Variants in PPP2R2A observed in about 807,000 individuals in gnomAD.
The protein encoded by PPP2R2A is protein phosphatase 2 regulatory subunit Balpha.
A neutral mutation model predicts 53.2 loss-of-function variants in PPP2R2A; 9 were observed. That is an observed-to-expected ratio of 0.17 (90% confidence interval 0.10 to 0.30). The LOEUF (loss-of-function observed/expected upper bound fraction) is 0.30. PPP2R2A is among the 10% of genes least tolerant of loss of function. PPP2R2A has a pLI of 1.00. For missense variants in PPP2R2A, 235 were observed against 534.6 expected (o/e 0.44, Z 5.53); for synonymous variants, 169 against 174.2 (o/e 0.97, Z 0.23).
In PPP2R2A at chr8:26,372,197, ATGTC is replaced by A. The variant is rs751470322; in HGVS notation, c.*1787_*1790del. The A allele has an allele frequency of 1.4e-4, 22 of 152,298 alleles. No homozygotes were observed. The highest frequency in any genetic ancestry group is 2.2e-4 in the Non-Finnish European group (15 of 68,008). 9.4% of individuals were successfully genotyped at this position (152,298 alleles called of 1,614,324 possible). A position where few individuals can be genotyped will look rare whatever the true frequency, so the allele number is the denominator to read the frequency against. ...CAAATTTGTATTTGAAACACATTCT[ATGTC>A]TGATAATTCTTAATGGCACTTTTAC... On this transcript the variant is annotated 3_prime_UTR_variant, in exon 10 of 10. Transcript: ENST00000380737.
intron 2 of PPP2R2A, among the ~76,000 whole-genome samples, chr8:26,301,564 C>T (rs1325783074): frequency 1.3e-5 from 2 of 151,794 alleles, no homozygotes; most frequent in African/African-American, 2.4e-5. Flanking sequence ...CTGCTGATGG[C>T]GTTCGTTAGC....
chr8:26,302,300 G>A (rs533972280), intron 2 of PPP2R2A, among the ~76,000 whole-genome samples: 16 of 152,216 alleles, frequency 1.1e-4, no homozygotes, highest in Admixed American at 1.3e-4. Context: ...TGGAAAACAC[G>A]TCTCTGCCAT....
intron 1 of PPP2R2A, chr8:26,292,567 A>G: frequency 1.8e-6 from 1 of 551,948 alleles, no homozygotes; most frequent in Non-Finnish European, 2.3e-6. Flanking sequence ...AGAGATATAA[A>G]TAGCAAGGAG....
chr8:26,292,033 G>A, intron 1 of PPP2R2A: 1 of 1,247,264 alleles, frequency 8.0e-7, no homozygotes, highest in Non-Finnish European at 1.0e-6. Context: ...CTTGGAGAAC[G>A]GGGCTGGCGC....
rs1802828064 is a variant in PPP2R2A at position 26,321,307 on chromosome 8, CCAGAGAAATGTG to C, written c.83-17582_83-17571del. 1.1e-5 allele frequency among the ~76,000 whole-genome samples: 1 copy of C among 91,764 alleles called. No homozygotes were observed. Among genetic ancestry groups the C allele is most frequent in the Non-Finnish European group, 3.1e-5 (1 of 32,034 alleles). 60.2% of individuals were successfully genotyped at this position (91,764 alleles called of 152,430 possible). A position where few individuals can be genotyped will look rare whatever the true frequency, so the allele number is the denominator to read the frequency against. ...ATGGCTCTTACCAAGAGAAATGTGA[CCAGAGAAATGTG>C]ACCTGAGAGAGAAGCACAAAGTTGA... On this transcript the variant is annotated intron_variant, in intron 2 of 9. Coordinates refer to ENST00000380737, the MANE Select transcript of PPP2R2A (RefSeq NM_002717.4). The surrounding 1 kb of genome is among the most constrained non-coding windows in gnomAD (Gnocchi z 4.1).
chr8:26,312,276 A>G (rs1402277282), intron 2 of PPP2R2A, among the ~76,000 whole-genome samples: 1 of 152,238 alleles, frequency 6.6e-6, no homozygotes, highest in Non-Finnish European at 1.5e-5. Flanking sequence ...GATAATCAAC[A>G]CTTCTCTAGC....
intron 2 of PPP2R2A, among the ~76,000 whole-genome samples, chr8:26,303,563 T>C (rs1318383246): frequency 6.6e-6 from 1 of 152,200 alleles, no homozygotes; most frequent in East Asian, 1.9e-4. Flanking sequence ...GAGGGAACAA[T>C]GTTTTTCTGA....
chr8:26,343,228 A>G (rs1804039982), intron 3 of PPP2R2A, among the ~76,000 whole-genome samples: 1 of 152,140 alleles, frequency 6.6e-6, no homozygotes, highest in Non-Finnish European at 1.5e-5. Context: ...CTGCTCCTCA[A>G]GATTACTAAA....
chr8:26,292,260 A>G lies in PPP2R2A; in HGVS notation c.7+434A>G, dbSNP rs1049921421. Reference sequence around the variant, plus strand: ...TGCAAGCCTTCTTGGGTGTATATACACATTTATTTTGCCTCGAGAAGGAAG... The same window carrying G: ...TGCAAGCCTTCTTGGGTGTATATACGCATTTATTTTGCCTCGAGAAGGAAG... On this transcript the variant is annotated intron_variant, in intron 1 of 9. Transcript: ENST00000380737. The G allele has an allele frequency of 1.3e-5, 13 of 1,004,640 alleles. No individual in the cohort carries two copies. The African/African-American group carries it at 1.7e-4, about 13-fold the overall frequency. The allele number at this position is 1,004,640 out of a possible 1,614,324, so 62.2% of individuals were successfully genotyped here.
intron 2 of PPP2R2A, among the ~76,000 whole-genome samples, chr8:26,320,795 T>C (rs1802802998): frequency 6.6e-6 from 1 of 152,202 alleles, no homozygotes; most frequent in South Asian, 2.1e-4. Context: ...GTAGAAAATA[T>C]CCTGGGGATT....
chr8:26,342,886 A>G (rs1585382893), intron 3 of PPP2R2A, among the ~76,000 whole-genome samples: 2 of 152,192 alleles, frequency 1.3e-5, no homozygotes, highest in South Asian at 2.1e-4. Flanking sequence ...AAATGTTTGC[A>G]TGTATTTAAA....
In PPP2R2A at chr8:26,358,862, A is replaced by C. The variant is rs1407840482; in HGVS notation, c.347-1307A>C. On this transcript the variant is annotated intron_variant, in intron 4 of 9. Transcript: ENST00000380737. ...GGAGAATTCTAAATAAGACGTGGAT[A>C]CATACTCTTCCCTACAGGGAGTATA... is the stretch of plus-strand genomic sequence containing the variant. The C allele has an allele frequency of 3.3e-5, 15 of 453,630 alleles. No individual in the cohort carries two copies. The East Asian group carries it at 1.0e-3, about 32-fold the overall frequency. 28.1% of individuals were successfully genotyped at this position (453,630 alleles called of 1,614,324 possible).
At chr8:26,357,460 A>T (rs1488842110) in intron 4 of PPP2R2A, among the ~76,000 whole-genome samples, 1 of 152,026 alleles carries the variant, frequency 6.6e-6, no homozygotes, top group African/African-American at 2.4e-5. Flanking sequence ...TACTTAAAGG[A>T]CGTCATAGTC....
At position 26,339,713 on chromosome 8, in the gene PPP2R2A, A is replaced by C. The variant is rs940373124; in HGVS notation, c.180+726A>C. On this transcript the variant is annotated intron_variant, in intron 3 of 9. Coordinates refer to ENST00000380737, the MANE Select transcript of PPP2R2A (RefSeq NM_002717.4). ...TTGTAGATCAGAGTTTAACCATTAA[A>C]ATCAGTTGTTTTGGAACATTCTGCC... Among the ~76,000 whole-genome samples the C allele has an allele frequency of 3.9e-5, 6 of 152,236 alleles. No individual in the cohort carries two copies. In the East Asian group the frequency reaches 1.2e-3, roughly 29 times the overall value.
Position 26,298,024 on chromosome 8 carries a change from A to T in PPP2R2A, c.82+4284A>T, listed in dbSNP as rs1176148050. The stretch of plus-strand genomic sequence containing the variant: ...GAAAAGCTATGAAGTAAAAGGAAAA[A>T]AACATACTGTAAAAAGTACTATAAA... On this transcript the variant is annotated intron_variant, in intron 2 of 9. Coordinates refer to ENST00000380737, the MANE Select transcript of PPP2R2A (RefSeq NM_002717.4). 2.0e-5 allele frequency among the ~76,000 whole-genome samples: 3 copies of T among 152,230 alleles called. No homozygotes were observed. In the East Asian group the frequency reaches 5.8e-4, roughly 29 times the overall value.
chr8:26,366,278 C>T, intron 8 of PPP2R2A, 37 bp from the exon 9 acceptor site: 1 of 1,516,152 alleles, frequency 6.6e-7, no homozygotes, highest in Non-Finnish European at 9.1e-7. Context: ...AATCATTTTC[C>T]TAATTTCAGT....
chr8:26,314,415 C>A (rs569203559), intron 2 of PPP2R2A, among the ~76,000 whole-genome samples: 1 of 152,280 alleles, frequency 6.6e-6, no homozygotes, highest in East Asian at 1.9e-4. Context: ...CGTGGGAATT[C>A]TTTTGCCTCT....
rs1320272691 is a variant in PPP2R2A, at chr8:26,301,277, T to A, written c.82+7537T>A. On this transcript the variant is annotated intron_variant, in intron 2 of 9. Coordinates refer to ENST00000380737, the MANE Select transcript of PPP2R2A (RefSeq NM_002717.4). ...TTATTTTGAAGTAATTAAATATAAT[T>A]TGGAGATTTGTTGAATTTTCAGCTA... is the stretch of plus-strand genomic sequence containing the variant. 2.6e-5 allele frequency among the ~76,000 whole-genome samples: 4 copies of A among 152,160 alleles called. No homozygotes were observed. The East Asian group carries it at 7.7e-4, about 29-fold the overall frequency.
In PPP2R2A at chr8:26,317,755, A is replaced by G. The variant is rs74445544; in HGVS notation, c.83-21135A>G. ...AAAGACCCACATACACAGTGGTTCAAAAAATTAGCTTGTTTCTCTCTCACG... is the reference window on the plus strand; with the variant it reads ...AAAGACCCACATACACAGTGGTTCAGAAAATTAGCTTGTTTCTCTCTCACG... On this transcript the variant is annotated intron_variant, in intron 2 of 9. Transcript: ENST00000380737. Among the ~76,000 whole-genome samples, 469 of 152,328 alleles carry G rather than the reference A, an allele frequency of 3.1e-3. 1 individual carries two copies. Among genetic ancestry groups the G allele is most frequent in the African/African-American group, 0.011 (448 of 41,572 alleles).
Sources: allele counts gnomAD v4.1 joint callset (sites outside exome capture counted in the v4.1 genomes callset), GRCh38; gene constraint gnomAD v4.1.1; non-coding constraint Gnocchi (gnomAD v3.1); transcripts MANE v1.5; gene names NCBI Gene and HGNC (gene_info 2026-07-23, HGNC 2026-07-21).